Variants in MMP9 observed in about 807,000 individuals in gnomAD.
MMP9 encodes matrix metallopeptidase 9.
Under a neutral mutation model 76.4 loss-of-function variants are expected in MMP9, and 73 were observed. The ratio of observed to expected loss-of-function variants is 0.96; its 90% CI spans 0.79 to 1.16. The LOEUF (loss-of-function observed/expected upper bound fraction) is 1.16. Ranked by LOEUF, MMP9 falls within the 50% of genes most tolerant of loss-of-function variation. MMP9 has a pLI of 0.00. For synonymous variants in MMP9, 412 were observed against 408.4 expected, an observed-to-expected ratio of 1.01 and a Z score of -0.11; for missense variants, 943 against 973.0, an observed-to-expected ratio of 0.97 and a Z score of 0.41.
chr20:46,013,409 TC>T lies in MMP9; in HGVS notation c.1491del (p.Thr498LeufsTer12). On this transcript the variant is annotated frameshift_variant, in exon 9 of 13. Transcript: ENST00000372330. LOFTEE classifies it high-confidence loss of function. This position sits in a 1 kb window ranked among gnomAD's most constrained non-coding sequence, Gnocchi z 4.5. ...GTCCCCCCTCAGCTGGCCCCACAGG[TC>T]CCCCCACTGCTGGCCCTTCTACGGC... The part of the protein sequence containing the change: ...TGPPSAGPTG[P>X]PTAGPSTATT... 6.2e-7 allele frequency: 1 copy of T among 1,608,764 alleles called. No individual in the cohort carries two copies.
Position 46,010,597 on chromosome 20 carries a change from G to A in MMP9, c.486G>A (p.Arg162=). 1 of 1,614,032 alleles carries A rather than the reference G, an allele frequency of 6.2e-7. No homozygotes were observed. The highest frequency in any genetic ancestry group is 8.5e-7 in the Non-Finnish European group (1 of 1,179,942). The stretch of plus-strand genomic sequence containing the variant: ...TCACCTTCACTCGCGTGTACAGCCG[G>A]GACGCAGACATCGTCATCCAGTTTG... ...TPLTFTRVYS[R]DADIVIQFGV... The change falls in exon 3 of 13, where the codon CGG becomes CGA. Residue 162 remains arginine, a synonymous_variant. Coordinates refer to ENST00000372330, the MANE Select transcript of MMP9 (RefSeq NM_004994.3).
chr20:46,013,386 C>A lies in MMP9; in HGVS notation c.1462C>A (p.Pro488Thr). 1 of 1,611,972 alleles carries A rather than the reference C, an allele frequency of 6.2e-7. No individual in the cohort carries two copies. ...SERPTAGPTG[P>T]PSAGPTGPPT... Reference sequence around the variant, plus strand: ...GCGCCCCACAGCTGGCCCCACAGGTCCCCCCTCAGCTGGCCCCACAGGTCC... The same window carrying A: ...GCGCCCCACAGCTGGCCCCACAGGTACCCCCTCAGCTGGCCCCACAGGTCC... Residue 488 changes from proline to threonine, a missense_variant, in exon 9 of 13, where the codon CCC (proline) becomes ACC (threonine). Transcript: ENST00000372330. This position sits in a 1 kb window ranked among gnomAD's most constrained non-coding sequence, Gnocchi z 4.5.
In MMP9 at chr20:46,011,316, AGTGAGT is replaced by A. The variant is rs762254377; in HGVS notation, c.823+2_823+7del. The A allele has an allele frequency of 3.6e-5, 57 of 1,601,426 alleles. No homozygotes were observed. Among genetic ancestry groups the A allele is most frequent in the Non-Finnish European group, 4.7e-5 (55 of 1,177,146 alleles). ...CCGGTTTGGCTTCTGCCCCAGCGAG[AGTGAGT>A]GAGGGGGCTCGCCGAGGGCTGGGGG... On this transcript the variant is annotated splice_donor_variant and splice_donor_5th_base_variant and intron_variant, in intron 5 of 12. Coordinates refer to ENST00000372330, the MANE Select transcript of MMP9 (RefSeq NM_004994.3). LOFTEE classifies it high-confidence loss of function.
Position 46,013,863 on chromosome 20 carries a change from T to C in MMP9, c.1750+67T>C. On this transcript the variant is annotated intron_variant, in intron 10 of 12. Transcript: ENST00000372330. The surrounding 1 kb of genome is among the most constrained non-coding windows in gnomAD (Gnocchi z 4.5). ...TCAGTCAAGGAGGCTCAAGAGACCA[T>C]CGATAACCCACGAAACGTCTTGTGC... The C allele has an allele frequency of 6.2e-7, 1 of 1,600,006 alleles. No homozygotes were observed. Among genetic ancestry groups the C allele is most frequent in the Non-Finnish European group, 8.5e-7 (1 of 1,172,290 alleles).
Position 46,014,403 on chromosome 20 carries a change from G to C in MMP9, c.1934G>C (p.Arg645Pro). 1 of 1,549,742 alleles carries C rather than the reference G, an allele frequency of 6.5e-7. No individual in the cohort carries two copies. The highest frequency in any genetic ancestry group is 8.7e-7 in the Non-Finnish European group (1 of 1,146,976). The change falls in exon 12 of 13, where the codon CGG becomes CCG. Residue 645 changes from arginine to proline, a missense_variant. Arg to Pro is a moderately radical substitution (Grantham distance 103). Transcript: ENST00000372330. ...GTGAAGGCGCAGATGGTGGATCCCC[G>C]GAGCGCCAGCGAGGTGGACCGGATG... ...FDVKAQMVDP[R>P]SASEVDRMFP...
At chr20:46,015,453 CTTTTTTTT>C (rs199508388) in intron 12 of MMP9, among the ~76,000 whole-genome samples, 1 of 125,594 alleles carries the variant, frequency 8.0e-6, no homozygotes, top group Admixed American at 8.1e-5. Context: ...TTTCTTTTTT[CTTTTTTTT>C]TTTTTTTGAG....
In MMP9 at chr20:46,011,082, C is replaced by A. The variant is rs200962796; in HGVS notation, c.649+32C>A. 40 of 1,613,686 alleles carry A rather than the reference C, an allele frequency of 2.5e-5. 1 individual carries two copies. Among genetic ancestry groups the A allele is most frequent in the African/African-American group, 4.0e-5 (3 of 74,934 alleles). ...TTCTGAGTCCTCCTGGCCCCTGATT[C>A]CCTTCATTCTCTCCCACTCATCACC... is the stretch of plus-strand genomic sequence containing the variant. On this transcript the variant is annotated intron_variant, in intron 4 of 12. Coordinates refer to ENST00000372330, the MANE Select transcript of MMP9 (RefSeq NM_004994.3).
intron 2 of MMP9, among the ~76,000 whole-genome samples, 170 bp downstream of exon 2, chr20:46,010,268 G>C (rs895567171): frequency 7.3e-6 from 1 of 136,404 alleles, no homozygotes. Context: ...TCAGGGAAAT[G>C]GCTCTTGCAA....
At chr20:46,014,337 G>A in intron 11 of MMP9, 34 bp from the exon 12 acceptor site, 1 of 1,543,712 alleles carries the variant, frequency 6.5e-7, no homozygotes, top group Non-Finnish European at 8.7e-7. Flanking sequence ...CCGCTAGCCG[G>A]CTCAGCACCT....
chr20:46,016,494 G>A lies in MMP9; in HGVS notation c.*126G>A. 2 of 797,680 alleles carry A rather than the reference G, an allele frequency of 2.5e-6. No homozygotes were observed. The highest frequency in any genetic ancestry group is 4.4e-6 in the Non-Finnish European group (2 of 454,814). 49.4% of individuals were successfully genotyped at this position (797,680 alleles called of 1,614,324 possible). On this transcript the variant is annotated 3_prime_UTR_variant, in exon 13 of 13. Transcript: ENST00000372330. Reference sequence around the variant, plus strand: ...GGAAAGGGAGGAGTGGAGGTGGGCTGGGCCCTCTCTTCTCACCTTTGTTTT... The same window carrying A: ...GGAAAGGGAGGAGTGGAGGTGGGCTAGGCCCTCTCTTCTCACCTTTGTTTT...
chr20:46,014,036 A>G (rs2084302834), intron 10 of MMP9, 88 bp from the exon 11 acceptor site: 4 of 1,519,604 alleles, frequency 2.6e-6, no homozygotes, highest in Non-Finnish European at 3.5e-6. Context: ...CGGGCTAGGA[A>G]AGGCCTCGCC....
In MMP9 at chr20:46,009,920, A is replaced by G; in HGVS notation, c.193A>G (p.Lys65Glu). ...GGTGGCAGAGATGCGTGGAGAGTCG[A>G]AATCTCTGGGGCCTGCGCTGCTGCT... is the stretch of plus-strand genomic sequence containing the variant. ...TRVAEMRGESKSLGPALLLLQ... is the reference protein window; with the variant it reads ...TRVAEMRGESESLGPALLLLQ... Residue 65 changes from lysine (K) to glutamate (E), a missense_variant, in exon 2 of 13, where the codon AAA becomes GAA. Coordinates refer to ENST00000372330, the MANE Select transcript of MMP9 (RefSeq NM_004994.3). The G allele has an allele frequency of 6.4e-7, 1 of 1,552,300 alleles. No homozygotes were observed. The highest frequency in any genetic ancestry group is 8.7e-7 in the Non-Finnish European group (1 of 1,147,284).
intron 12 of MMP9, 124 bp downstream of exon 12, chr20:46,014,598 A>T (rs2084308239): frequency 1.9e-6 from 2 of 1,042,908 alleles, no homozygotes; most frequent in African/African-American, 3.2e-5. Context: ...CACAGACAAG[A>T]TCCCAGCAGA....
At chr20:46,015,630 T>G (rs950816554) in intron 12 of MMP9, among the ~76,000 whole-genome samples, 3 of 152,074 alleles carry the variant, frequency 2.0e-5, no homozygotes, top group African/African-American at 7.2e-5. Flanking sequence ...TTTTGTATTT[T>G]TTAGTAGAGA....
Position 46,012,464 on chromosome 20 carries a change from C to T in MMP9, c.1212C>T (p.Gly404=). ...SLFLVAAHEF[G]HALGLDHSSV... is the part of the protein sequence containing the mutation. ...TCCTCGTGGCGGCGCATGAGTTCGG[C>T]CACGCGCTGGGCTTAGATCATTCCT... is the stretch of plus-strand genomic sequence containing the variant. Residue 404 remains glycine (G), a synonymous_variant, in exon 8 of 13, where the codon GGC becomes GGT. Coordinates refer to ENST00000372330, the MANE Select transcript of MMP9 (RefSeq NM_004994.3). 6.2e-7 allele frequency: 1 copy of T among 1,614,198 alleles called. No individual in the cohort carries two copies. Among genetic ancestry groups the T allele is most frequent in the Non-Finnish European group, 8.5e-7 (1 of 1,180,018 alleles).
intron 10 of MMP9, 54 bp from the exon 11 acceptor site, chr20:46,014,070 G>A: frequency 1.3e-6 from 2 of 1,532,932 alleles, no homozygotes; most frequent in Admixed American, 2.0e-5. Context: ...TCGCGTTCTA[G>A]GAGTACGTGC....
Position 46,012,412 on chromosome 20 carries a change from TC to T in MMP9, c.1175-12del. ...TCGGCCCGGCGCTCACGTCTCAGGCTCCCTCTCCCTCCAGGATACAGTTTGT... is the reference window on the plus strand; with the variant it reads ...TCGGCCCGGCGCTCACGTCTCAGGCTCCTCTCCCTCCAGGATACAGTTTGT... On this transcript the variant is annotated splice_polypyrimidine_tract_variant and intron_variant, in intron 7 of 12. Coordinates refer to ENST00000372330, the MANE Select transcript of MMP9 (RefSeq NM_004994.3). 1 of 1,613,900 alleles carries T rather than the reference TC, an allele frequency of 6.2e-7. No individual in the cohort carries two copies. Among genetic ancestry groups the T allele is most frequent in the Non-Finnish European group, 8.5e-7 (1 of 1,179,910 alleles).
In MMP9 at chr20:46,016,539, A is replaced by T. The variant is rs1420763290; in HGVS notation, c.*171A>T. On this transcript the variant is annotated 3_prime_UTR_variant, in exon 13 of 13. Coordinates refer to ENST00000372330, the MANE Select transcript of MMP9 (RefSeq NM_004994.3). ...TGTTTTTTGTTGGAGTGTTTCTAAT[A>T]AACTTGGATTCTCTAACCTTTAGAA... The T allele has an allele frequency of 7.5e-6, 5 of 663,364 alleles. No individual in the cohort carries two copies. Among genetic ancestry groups the T allele is most frequent in the African/African-American group, 1.8e-5 (1 of 55,662 alleles). 41.1% of individuals were successfully genotyped at this position (663,364 alleles called of 1,614,324 possible).
chr20:46,009,304 G>A (rs1310232235), intron 1 of MMP9, among the ~76,000 whole-genome samples: 3 of 152,048 alleles, frequency 2.0e-5, no homozygotes, highest in East Asian at 3.9e-4. Flanking sequence ...GGTTTGGGGT[G>A]GGGGAGGCAT....
Sources: gnomAD v4.1 joint callset for allele counts (sites outside exome capture counted in the v4.1 genomes callset) on GRCh38, gnomAD v4.1.1 for gene constraint, Gnocchi (gnomAD v3.1) non-coding constraint, MANE v1.5 for transcripts, NCBI Gene and HGNC (gene_info 2026-07-23, HGNC 2026-07-21) for gene names.